NEK5: variants seen among roughly 807,000 people sequenced by gnomAD.
The protein encoded by NEK5 is NIMA related kinase 5, also known as serine/threonine-protein kinase Nek5.
A neutral mutation model predicts 109.2 loss-of-function variants in NEK5; 88 were observed. The ratio of observed to expected loss-of-function variants is 0.81; its 90% confidence interval spans 0.68 to 0.96. NEK5 has a LOEUF of 0.96. Among genes scored for constraint, NEK5 ranks in the 40% least tolerant of loss-of-function variants. The pLI is 0.00. For synonymous variants in NEK5, 283 were observed against 299.9 expected (o/e 0.94, Z 0.58); for missense variants, 834 against 920.7 (o/e 0.91, Z 1.22).
At chr13:52,038,154 T>C (rs1954380242) in intron 23 of NEK5, among the ~76,000 whole-genome samples, 1 of 151,472 alleles carries the variant, frequency 6.6e-6, no homozygotes, top group Non-Finnish European at 1.5e-5. Context: ...GCAAAACCCC[T>C]TCTCTACTAA....
chr13:52,119,040 G>C (rs1050873651), intron 4 of NEK5, among the ~76,000 whole-genome samples: 1 of 152,130 alleles, frequency 6.6e-6, no homozygotes, highest in African/African-American at 2.4e-5. Context: ...AAATTTGGGG[G>C]TTGTTACTAC....
chr13:52,049,424 A>AAATAAT (rs545167509), intron 23 of NEK5, among the ~76,000 whole-genome samples: 5 of 151,458 alleles, frequency 3.3e-5, no homozygotes, highest in South Asian at 2.1e-4. Flanking sequence ...GCTCTGTCTC[A>AAATAAT]AATAATAATA....
At chr13:52,082,314 T>TA (rs746503716) in intron 17 of NEK5, 11,158 of 879,774 alleles carry the variant, frequency 0.013, no homozygotes, top group Non-Finnish European at 0.014. Flanking sequence ...AAATTCCATC[T>TA]AAAAAAAAAA....
At chr13:52,059,997 G>T (rs996351538) in intron 22 of NEK5, among the ~76,000 whole-genome samples, 3 of 150,926 alleles carry the variant, frequency 2.0e-5, no homozygotes, top group African/African-American at 7.3e-5. Flanking sequence ...ATAATAATTA[G>T]GTTTTCTAAT....
Position 52,033,766 on chromosome 13 carries a change from C to T in NEK5, c.*3182G>A, listed in dbSNP as rs1300967540. 3.3e-5 allele frequency: 5 copies of T among 152,264 alleles called. No homozygotes were observed. The highest frequency in any genetic ancestry group is 5.9e-5 in the Non-Finnish European group (4 of 68,026). 9.4% of individuals were successfully genotyped at this position (152,264 alleles called of 1,614,324 possible). A position where few individuals can be genotyped will look rare whatever the true frequency, so the allele number is the denominator to read the frequency against. On this transcript the variant is annotated 3_prime_UTR_variant, in exon 24 of 24. Transcript: ENST00000684899. ...TGTGGTTATCAATGCTTTCAGAATA[C>T]TTGTGTTTATGTAAATATACCCCAG... is the stretch of plus-strand genomic sequence containing the variant.
chr13:52,065,561 T>A lies in NEK5; in HGVS notation c.1898A>T (p.Asp633Val), dbSNP rs780472301. 2.5e-6 allele frequency: 4 copies of A among 1,613,896 alleles called. No individual in the cohort carries two copies. In the African/African-American group the frequency reaches 5.3e-5, roughly 22 times the overall value. Residue 633 changes from aspartate (D) to valine (V), a missense_variant, in exon 21 of 24, where the codon GAT becomes GTT. Asp to Val is a radical substitution (Grantham distance 152). This residue lies in a region of NEK5 where 777 missense variants were observed against 824.7 expected (regional missense o/e 0.94). Transcript: ENST00000684899. ...CAGCAGAGTCTGAGGCGCTCCTCCA[T>A]CCCACTGCCTCCTGTTTCCCACAGC... ...VAAVGNRRQW[D>V]GGAPQTLLQM...
intron 20 of NEK5, among the ~76,000 whole-genome samples, chr13:52,069,439 T>C (rs1247042698): frequency 6.6e-6 from 1 of 152,184 alleles, no homozygotes; most frequent in East Asian, 1.9e-4. Flanking sequence ...CATAGGTATT[T>C]TGACCATCAC....
chr13:52,062,446 ACAGAGTCTCACTCTGT>A (rs943192550), intron 21 of NEK5, among the ~76,000 whole-genome samples: 4 of 149,540 alleles, frequency 2.7e-5, no homozygotes, highest in African/African-American at 9.9e-5. Flanking sequence ...TTTTTTTGAG[ACAGAGTCTCACTCTGT>A]CAGCCAGGAG....
intron 3 of NEK5, among the ~76,000 whole-genome samples, chr13:52,122,395 C>A (rs1036986129): frequency 2.0e-5 from 3 of 151,988 alleles, no homozygotes; most frequent in Non-Finnish European, 2.9e-5. Flanking sequence ...CATTAAATGA[C>A]AACATTTTAT....
intron 3 of NEK5, among the ~76,000 whole-genome samples, chr13:52,124,551 C>T (rs1000734919): frequency 6.6e-6 from 1 of 152,118 alleles, no homozygotes; most frequent in East Asian, 1.9e-4. Context: ...TACTGTTGGA[C>T]ATTTGTTTTC....
rs2138010125 is a variant in NEK5 at position 52,102,254 on chromosome 13, A to G, written c.648T>C (p.Ile216=). ...GNNLQQLVLK[I]CQAHFAPISP... is the part of the protein sequence containing the mutation. The stretch of plus-strand genomic sequence containing the variant: ...ATATTGGGGCAAAATGTGCTTGACA[A>G]ATCTTCAGAACCAGCTGCTGTAAGT... Residue 216 remains isoleucine (I), a synonymous_variant, in exon 10 of 24, where the codon ATT becomes ATC. Coordinates refer to ENST00000684899, the MANE Select transcript of NEK5 (RefSeq NM_001365552.1). 6.2e-7 allele frequency: 1 copy of G among 1,614,190 alleles called. No homozygotes were observed. The highest frequency in any genetic ancestry group is 2.2e-5 in the East Asian group (1 of 44,894).
At chr13:52,088,078 C>T (rs2137905789) in intron 14 of NEK5, among the ~76,000 whole-genome samples, 2 of 152,184 alleles carry the variant, frequency 1.3e-5, no homozygotes, top group South Asian at 4.2e-4. Context: ...CAGGCACACA[C>T]CACAACACCT....
chr13:52,041,530 C>A (rs1037236094), intron 23 of NEK5, among the ~76,000 whole-genome samples: 4 of 151,862 alleles, frequency 2.6e-5, no homozygotes, highest in African/African-American at 9.7e-5. Context: ...GAGTTCGAGA[C>A]CAGCCTGGCC....
intron 8 of NEK5, among the ~76,000 whole-genome samples, chr13:52,107,239 C>T (rs1955673628): frequency 6.8e-6 from 1 of 146,878 alleles, no homozygotes; most frequent in Non-Finnish European, 1.5e-5. Flanking sequence ...CTTACCAATG[C>T]AGGCCTCCAT....
chr13:52,062,164 G>A (rs1350096014), intron 21 of NEK5: 1 of 152,098 alleles, frequency 6.6e-6, no homozygotes, highest in Non-Finnish European at 1.5e-5. Context: ...ATTTTGGTGT[G>A]ATAACAATTT....
In NEK5 at chr13:52,086,350, T is replaced by C; in HGVS notation, c.1406A>G (p.Gln469Arg). The C allele has an allele frequency of 6.2e-7, 1 of 1,610,812 alleles. No homozygotes were observed. The highest frequency in any genetic ancestry group is 1.1e-5 in the South Asian group (1 of 90,978). The change falls in exon 16 of 24, where the codon CAG (glutamine) becomes CGG (arginine). Residue 469 changes from glutamine (Q) to arginine (R), a missense_variant. Gln to Arg is a conservative substitution (Grantham distance 43). This residue lies in a region of NEK5 where 777 missense variants were observed against 824.7 expected (regional missense o/e 0.94). Coordinates refer to ENST00000684899, the MANE Select transcript of NEK5 (RefSeq NM_001365552.1). Reference protein sequence around the residue: ...NEMKEQEYWKQLEEIRQQYHN... With the variant: ...NEMKEQEYWKRLEEIRQQYHN... ...GTACTGTTGGCGTATTTCCTCTAAC[T>C]GCTTCCAATATTCCTGGAAAGCAAA...
chr13:52,061,725 C>T, intron 22 of NEK5, 94 bp downstream of exon 22: 5 of 392,210 alleles, frequency 1.3e-5, no homozygotes, highest in Non-Finnish European at 1.7e-5. Context: ...ATTCTCTCTC[C>T]CAGCTGAAGG....
chr13:52,055,313 C>T (rs1954544590), intron 22 of NEK5, among the ~76,000 whole-genome samples: 1 of 152,136 alleles, frequency 6.6e-6, no homozygotes, highest in Admixed American at 6.5e-5. Context: ...AAGACCAAAT[C>T]TACGTCTGAT....
chr13:52,052,602 T>G (rs935421877), intron 22 of NEK5, among the ~76,000 whole-genome samples: 1 of 152,172 alleles, frequency 6.6e-6, no homozygotes, highest in Non-Finnish European at 1.5e-5. Flanking sequence ...TTTGAAAGAT[T>G]TAGATGCACT....
Sources: gnomAD v4.1 joint callset for allele counts (sites outside exome capture counted in the v4.1 genomes callset) on GRCh38, gnomAD v4.1.1 for gene constraint, gnomAD v4.1.1 regional missense constraint, MANE v1.5 for transcripts, NCBI Gene and HGNC (gene_info 2026-07-23, HGNC 2026-07-21) for gene names.